Variants in ITPR1 observed in about 807,000 individuals in gnomAD.
ITPR1 encodes the protein inositol 1,4,5-trisphosphate receptor type 1, also known as inositol 1,4,5-trisphosphate-gated calcium channel ITPR1.
In ITPR1, 96 loss-of-function variants were observed where a neutral mutation model predicts 318.4. The ratio of observed to expected loss-of-function variants is 0.30; its 90% CI spans 0.26 to 0.36. ITPR1 has a LOEUF of 0.36. Ranked by LOEUF, ITPR1 falls within the 10% of genes least tolerant of loss-of-function variation. ITPR1 has a pLI of 1.00. For missense variants in ITPR1, 2,440 were observed against 3,460.2 expected (o/e 0.71, Z 7.40); for synonymous variants, 1,312 against 1,289.9 (o/e 1.02, Z -0.37).
At chr3:4,501,633 C>T (rs1342629090) in intron 2 of ITPR1, among the ~76,000 whole-genome samples, 1 of 152,206 alleles carries the variant, frequency 6.6e-6, no homozygotes, top group African/African-American at 2.4e-5. Flanking sequence ...TTGTACTTTT[C>T]CCCTGCAGCC....
chr3:4,685,263 T>G lies in ITPR1; in HGVS notation c.3702+57T>G, dbSNP rs733018. On this transcript the variant is annotated intron_variant, in intron 30 of 61. Coordinates refer to ENST00000649015, the MANE Select transcript of ITPR1 (RefSeq NM_001378452.1). Reference sequence around the variant, plus strand: ...TCAGGATGGGGCGGATCCCTGGGTTTCCCCAAACTCTTCACATCTGGATAT... The same window carrying G: ...TCAGGATGGGGCGGATCCCTGGGTTGCCCCAAACTCTTCACATCTGGATAT... The G allele has an allele frequency of 0.22, 325,287 of 1,496,694 alleles. 37,494 individuals carry two copies. Among genetic ancestry groups the G allele is most frequent in the African/African-American group, 0.36 (26,361 of 72,276 alleles). The allele number at this position is 1,496,694 out of a possible 1,614,324, so 92.7% of individuals were successfully genotyped here.
chr3:4,795,195 T>C lies in ITPR1; in HGVS notation c.6931+8T>C. 6.2e-7 allele frequency: 1 copy of C among 1,610,926 alleles called. No individual in the cohort carries two copies. The highest frequency in any genetic ancestry group is 1.1e-5 in the South Asian group (1 of 90,330). ...TTAAGGGAGTCCGAGGAGGTACCCA[T>C]ATCTTTAACTTCAAAAATCCTATTA... On this transcript the variant is annotated splice_region_variant and intron_variant, in intron 53 of 61. Coordinates refer to ENST00000649015, the MANE Select transcript of ITPR1 (RefSeq NM_001378452.1).
intron 23 of ITPR1, among the ~76,000 whole-genome samples, chr3:4,676,251 A>G (rs1465291062): frequency 1.3e-5 from 2 of 151,926 alleles, no homozygotes; most frequent in African/African-American, 4.8e-5. Context: ...ACGTTGAGGC[A>G]GGAAGATTGT....
Position 4,556,869 on chromosome 3 carries a change from A to G in ITPR1, c.163+35775A>G, listed in dbSNP as rs115275693. Among the ~76,000 whole-genome samples, 220 of 152,324 alleles carry G rather than the reference A, an allele frequency of 1.4e-3. 2 individuals are homozygous for G. The highest frequency in any genetic ancestry group is 2.6e-3 in the Non-Finnish European group (175 of 68,028). On this transcript the variant is annotated intron_variant, in intron 4 of 61. Coordinates refer to ENST00000649015, the MANE Select transcript of ITPR1 (RefSeq NM_001378452.1). ...AAACTCTTCTGAGGAGAAATGGTCA[A>G]GCATTCAGGCACAAGATGGCTTTTG...
chr3:4,585,403 TTAC>T (rs1255444825), intron 4 of ITPR1, among the ~76,000 whole-genome samples: 2 of 152,122 alleles, frequency 1.3e-5, no homozygotes, highest in Non-Finnish European at 2.9e-5. Context: ...CTAATTATGA[TTAC>T]TACTACTACT....
intron 4 of ITPR1, among the ~76,000 whole-genome samples, chr3:4,578,131 C>T (rs1015041645): frequency 5.3e-5 from 8 of 152,296 alleles, no homozygotes; most frequent in Middle Eastern, 6.8e-3. Flanking sequence ...ATTGCTATAA[C>T]GCTTGACACC....
intron 18 of ITPR1, among the ~76,000 whole-genome samples, chr3:4,668,083 C>G (rs2093988909): frequency 6.6e-6 from 1 of 152,108 alleles, no homozygotes; most frequent in Admixed American, 6.5e-5. Flanking sequence ...CAGTTCTATT[C>G]TTTTAGTTAT....
intron 52 of ITPR1, 101 bp from the exon 53 acceptor site, chr3:4,794,964 A>G: frequency 7.5e-7 from 1 of 1,327,994 alleles, no homozygotes; most frequent in Non-Finnish European, 1.0e-6. Flanking sequence ...CGGGAACAAA[A>G]GTGGACTTGT....
At chr3:4,696,810 G>C (rs1332507538) in intron 33 of ITPR1, among the ~76,000 whole-genome samples, 1 of 151,684 alleles carries the variant, frequency 6.6e-6, no homozygotes, top group African/African-American at 2.4e-5. Context: ...ACGCCTTGCA[G>C]ATATCTTGTC....
At chr3:4,797,366 T>C (rs967362229) in intron 53 of ITPR1, among the ~76,000 whole-genome samples, 1 of 152,164 alleles carries the variant, frequency 6.6e-6, no homozygotes, top group Non-Finnish European at 1.5e-5. Flanking sequence ...TTCTTTGAGC[T>C]AATATGTGTT....
intron 4 of ITPR1, among the ~76,000 whole-genome samples, chr3:4,575,433 A>G (rs1390242217): frequency 6.6e-6 from 1 of 152,180 alleles, no homozygotes; most frequent in Admixed American, 6.5e-5. Context: ...AAGATAAAAT[A>G]TTGCCTTAAA....
At chr3:4,839,754 G>A (rs1020240545) in intron 61 of ITPR1, among the ~76,000 whole-genome samples, 1 of 152,106 alleles carries the variant, frequency 6.6e-6, no homozygotes, top group East Asian at 1.9e-4. Context: ...GATTACATAT[G>A]GACTAAGGTT....
At position 4,727,166 on chromosome 3, in the gene ITPR1, A is replaced by G. The variant is rs968484890; in HGVS notation, c.5213A>G (p.His1738Arg). 2 of 1,596,928 alleles carry G rather than the reference A, an allele frequency of 1.3e-6. No homozygotes were observed. Among genetic ancestry groups the G allele is most frequent in the African/African-American group, 1.3e-5 (1 of 74,854 alleles). ...PSPPLRQLED[H>R]KRGEALRQVL... is the part of the protein sequence containing the mutation. Reference sequence around the variant, plus strand: ...CCACCCCTGCGGCAGCTGGAAGACCATAAAAGGGTACGTAGTCTTGAGTCT... The same window carrying G: ...CCACCCCTGCGGCAGCTGGAAGACCGTAAAAGGGTACGTAGTCTTGAGTCT... Residue 1738 changes from histidine to arginine, a missense_variant, in exon 42 of 62, where the codon CAT (histidine) becomes CGT (arginine). His to Arg is a conservative substitution (Grantham distance 29, BLOSUM62 0). Around this residue, in one of 23 missense-constraint regions of ITPR1, gnomAD observed 166 missense variants for 143.7 expected, o/e 1.16. Transcript: ENST00000649015.
At position 4,818,075 on chromosome 3, in the gene ITPR1, T is replaced by A; in HGVS notation, c.7868-7T>A. 1 of 1,593,890 alleles carries A rather than the reference T, an allele frequency of 6.3e-7. No homozygotes were observed. ...CTGGGGCTGGGGGCTTTTTGTCTCA[T>A]TTTTAGGCTTGGAAAGAGACAAGTT... is the stretch of plus-strand genomic sequence containing the variant. On this transcript the variant is annotated splice_region_variant and splice_polypyrimidine_tract_variant and intron_variant, in intron 59 of 61. Transcript: ENST00000649015.
At chr3:4,703,902 A>G (rs892129585) in intron 36 of ITPR1, among the ~76,000 whole-genome samples, 7 of 152,216 alleles carry the variant, frequency 4.6e-5, no homozygotes, top group Non-Finnish European at 1.5e-5. Flanking sequence ...ATTGTGTTAT[A>G]TCTTAGAAAC....
At chr3:4,661,903 A>T (rs2093841756) in intron 14 of ITPR1, among the ~76,000 whole-genome samples, 179 bp from the exon 15 acceptor site, 1 of 152,202 alleles carries the variant, frequency 6.6e-6, no homozygotes, top group Admixed American at 6.5e-5. Flanking sequence ...CAATTTCCAG[A>T]GATAACAACT....
At chr3:4,649,339 T>C (rs955600022) in intron 10 of ITPR1, among the ~76,000 whole-genome samples, 2 of 152,212 alleles carry the variant, frequency 1.3e-5, no homozygotes, top group Non-Finnish European at 2.9e-5. Context: ...CTTTCTCTCA[T>C]TTTTTAAAAT....
rs779736771 is a variant in ITPR1 at position 4,674,141 on chromosome 3, A to C, written c.2457-61A>C. 1.6e-3 allele frequency: 2,205 copies of C among 1,411,752 alleles called. 4 individuals are homozygous for C. Among genetic ancestry groups the C allele is most frequent in the Non-Finnish European group, 2.0e-3 (2,085 of 1,037,358 alleles). 87.5% of individuals were successfully genotyped at this position (1,411,752 alleles called of 1,614,324 possible). On this transcript the variant is annotated intron_variant, in intron 21 of 61. Coordinates refer to ENST00000649015, the MANE Select transcript of ITPR1 (RefSeq NM_001378452.1). ...GTTGACTTTTGAAGCTGAGTGACCC[A>C]GGAAGACCTCTCTGGGAATAACTTG...
intron 40 of ITPR1, among the ~76,000 whole-genome samples, chr3:4,720,769 A>G (rs775687087): frequency 6.6e-6 from 1 of 150,470 alleles, no homozygotes; most frequent in Non-Finnish European, 1.5e-5. Context: ...TTCTGCCGGC[A>G]AAAGATGCCA....
Sources: gnomAD v4.1 joint callset for allele counts (sites outside exome capture counted in the v4.1 genomes callset) on GRCh38, gnomAD v4.1.1 for gene constraint, gnomAD v4.1.1 regional missense constraint, MANE v1.5 for transcripts, NCBI Gene and HGNC (gene_info 2026-07-23, HGNC 2026-07-21) for gene names.